Variants in ERFL observed in about 807,000 individuals in gnomAD.
The protein encoded by ERFL is ETS domain-containing transcription factor ERF-like.
A neutral mutation model predicts 27.9 loss-of-function variants in ERFL; 8 were observed. The ratio of observed to expected loss-of-function variants is 0.29; its 90% CI spans 0.17 to 0.52. ERFL has a LOEUF of 0.52. Ranked by LOEUF, ERFL falls within the 20% of genes least tolerant of loss-of-function variation. ERFL has a pLI of 0.97. For synonymous variants in ERFL, 174 were observed against 202.8 expected (o/e 0.86, Z 1.21); for missense variants, 294 against 444.4 (o/e 0.66, Z 3.04).
chr19:41,908,169 G>A lies in ERFL; in HGVS notation c.*59C>T. 5.8e-6 allele frequency: 7 copies of A among 1,211,554 alleles called. No individual in the cohort carries two copies. The highest frequency in any genetic ancestry group is 7.2e-6 in the Non-Finnish European group (7 of 969,600). The allele number at this position is 1,211,554 out of a possible 1,614,324, so 75.1% of individuals were successfully genotyped here. On this transcript the variant is annotated 3_prime_UTR_variant, in exon 6 of 6. Transcript: ENST00000597630. This position sits in a 1 kb window ranked among gnomAD's most constrained non-coding sequence, Gnocchi z 6.7. ...TCCTGGGCCTTGGGCCAGGCATCAA[G>A]GGCAGACGGGCAGCCACCCTGGTCC...
At chr19:41,913,121 C>T (rs888038725) in intron 1 of ERFL, among the ~76,000 whole-genome samples, 189 bp from the exon 2 acceptor site, 8 of 152,126 alleles carry the variant, frequency 5.3e-5, no homozygotes, top group East Asian at 3.9e-4. Flanking sequence ...GTTCCCGGCC[C>T]CGAGACCCCG....
chr19:41,912,478 C>T (rs537656976), intron 2 of ERFL, among the ~76,000 whole-genome samples: 27 of 152,196 alleles, frequency 1.8e-4, no homozygotes, highest in South Asian at 6.2e-4. Flanking sequence ...CCTGTCCATC[C>T]GTGCCTGGCC....
intron 2 of ERFL, among the ~76,000 whole-genome samples, chr19:41,911,442 A>G (rs1437114243): frequency 8.5e-5 from 13 of 152,206 alleles, no homozygotes; most frequent in African/African-American, 2.7e-4. Context: ...CGCCGTGTCC[A>G]CTTGCTGTGT....
At position 41,913,798 on chromosome 19, in the gene ERFL, C is replaced by G. The variant is rs1389240562; in HGVS notation, c.-13-866G>C. 2.7e-5 allele frequency among the ~76,000 whole-genome samples: 4 copies of G among 150,922 alleles called. No individual in the cohort carries two copies. The East Asian group carries it at 5.9e-4, about 22-fold the overall frequency. On this transcript the variant is annotated intron_variant, in intron 1 of 5. Coordinates refer to ENST00000597630, the MANE Select transcript of ERFL (RefSeq NM_001365103.2). The stretch of plus-strand genomic sequence containing the variant: ...CCTTTCCCCCTCTTATGGCGCCTCC[C>G]CTCCACACACACACCCTTGCAATCC...
At position 41,909,028 on chromosome 19, in the gene ERFL, C is replaced by A. The variant is rs138216517; in HGVS notation, c.616+32G>T. On this transcript the variant is annotated intron_variant, in intron 5 of 5. Transcript: ENST00000597630. The surrounding 1 kb of genome is among the most constrained non-coding windows in gnomAD (Gnocchi z 5.2). ...CAAGCCTGCAGCTTCTCCCACTGTGCCCCCAGCACCCCAGAACCTCCAGGC... is the reference window on the plus strand; with the variant it reads ...CAAGCCTGCAGCTTCTCCCACTGTGACCCCAGCACCCCAGAACCTCCAGGC... 1.2e-5 allele frequency: 14 copies of A among 1,177,088 alleles called. No homozygotes were observed. The East Asian group carries it at 4.1e-4, about 35-fold the overall frequency. The allele number at this position is 1,177,088 out of a possible 1,614,324, so 72.9% of individuals were successfully genotyped here.
intron 1 of ERFL, among the ~76,000 whole-genome samples, chr19:41,920,415 C>G (rs2074834962): frequency 7.0e-6 from 1 of 142,634 alleles, no homozygotes; most frequent in Admixed American, 7.2e-5. Flanking sequence ...CACTCACAGA[C>G]ATGACACACT....
chr19:41,912,490 A>G (rs2074758807), intron 2 of ERFL, among the ~76,000 whole-genome samples: 1 of 152,166 alleles, frequency 6.6e-6, no homozygotes, highest in Non-Finnish European at 1.5e-5. Flanking sequence ...TGCCTGGCCT[A>G]GTGCCCCCTC....
intron 2 of ERFL, among the ~76,000 whole-genome samples, chr19:41,911,192 T>TC (rs2145882911): frequency 6.6e-6 from 1 of 152,206 alleles, no homozygotes; most frequent in East Asian, 1.9e-4. Context: ...AGGGGAGTAC[T>TC]CCACTGTCCA....
rs373930607 is a variant in ERFL at position 41,914,606 on chromosome 19, C to A, written c.-13-1674G>T. ...CCCTCCCTTTCCACCATCTCTGTCT[C>A]TCCCTCCCCTTCCACCATCTCTGTC... On this transcript the variant is annotated intron_variant, in intron 1 of 5. Coordinates refer to ENST00000597630, the MANE Select transcript of ERFL (RefSeq NM_001365103.2). Among the ~76,000 whole-genome samples the A allele has an allele frequency of 4.5e-4, 27 of 59,578 alleles. 2 individuals are homozygous for A. Among genetic ancestry groups the A allele is most frequent in the East Asian group, 1.7e-3 (3 of 1,806 alleles). The allele number at this position is 59,578 out of a possible 152,430, so 39.1% of individuals were successfully genotyped here. A position where few individuals can be genotyped will look rare whatever the true frequency, so the allele number is the denominator to read the frequency against.
chr19:41,911,458 C>T (rs1042525610), intron 2 of ERFL, among the ~76,000 whole-genome samples: 24 of 152,180 alleles, frequency 1.6e-4, no homozygotes, highest in Admixed American at 1.0e-3. Flanking sequence ...TGTGTGATTA[C>T]GGGCAGGTCC....
chr19:41,915,491 T>C (rs983417159), intron 1 of ERFL, among the ~76,000 whole-genome samples: 22 of 152,004 alleles, frequency 1.4e-4, no homozygotes, highest in African/African-American at 4.8e-5. Flanking sequence ...CCCACGTCTC[T>C]GTGTCCCCAT....
intron 1 of ERFL, among the ~76,000 whole-genome samples, chr19:41,924,488 G>A (rs2074860057): frequency 6.6e-6 from 1 of 152,106 alleles, no homozygotes; most frequent in African/African-American, 2.4e-5. Context: ...GGTGGTCTTA[G>A]TAATCGGGAG....
chr19:41,913,302 C>T (rs1364724026), intron 1 of ERFL, among the ~76,000 whole-genome samples: 1 of 147,802 alleles, frequency 6.8e-6, no homozygotes, highest in African/African-American at 2.5e-5. Context: ...CGCACCGTCT[C>T]TGCTGCCGTC....
intron 1 of ERFL, among the ~76,000 whole-genome samples, chr19:41,913,411 G>T (rs1429062347): frequency 1.3e-5 from 2 of 151,870 alleles, no homozygotes; most frequent in African/African-American, 4.8e-5. Flanking sequence ...GATTTATCTT[G>T]TTCTATAACT....
intron 1 of ERFL, among the ~76,000 whole-genome samples, chr19:41,926,479 G>C (rs1471839576): frequency 1.3e-5 from 2 of 152,102 alleles, no homozygotes; most frequent in Admixed American, 1.3e-4. Context: ...GCCACAGGTG[G>C]GTGCAGTGTG....
rs1024196558 is a variant in ERFL at position 41,921,198 on chromosome 19, G to A, written c.-14+6842C>T. ...GTCTGGCTGCTCCCCAACCTCACTC[G>A]TGGACCCCGCCTCCCCTCAGAGACC... On this transcript the variant is annotated intron_variant, in intron 1 of 5. Transcript: ENST00000597630. This position sits in a 1 kb window ranked among gnomAD's most constrained non-coding sequence, Gnocchi z 4.4. 2.6e-5 allele frequency among the ~76,000 whole-genome samples: 4 copies of A among 152,058 alleles called. No homozygotes were observed. Among genetic ancestry groups the A allele is most frequent in the Admixed American group, 1.3e-4 (2 of 15,278 alleles).
chr19:41,913,538 C>G (rs577628107), intron 1 of ERFL, among the ~76,000 whole-genome samples: 27 of 151,740 alleles, frequency 1.8e-4, no homozygotes, highest in Non-Finnish European at 4.0e-4. Context: ...GCACCCCCTC[C>G]TCCAGTCCTC....
At chr19:41,919,908 G>A (rs184287484) in intron 1 of ERFL, among the ~76,000 whole-genome samples, 113 of 152,026 alleles carry the variant, frequency 7.4e-4, no homozygotes, top group South Asian at 1.3e-3. Context: ...CACCACACAC[G>A]TCACACAGAC....
rs1482906340 is a variant in ERFL, at chr19:41,916,768, CCACA to C, written c.-13-3840_-13-3837del. On this transcript the variant is annotated intron_variant, in intron 1 of 5. Coordinates refer to ENST00000597630, the MANE Select transcript of ERFL (RefSeq NM_001365103.2). This position sits in a 1 kb window ranked among gnomAD's most constrained non-coding sequence, Gnocchi z 5.4. ...CAACCCAGACAGCCAACGCACACGG[CCACA>C]CACACACCCATTCACAGACACAGTC... Among the ~76,000 whole-genome samples the C allele has an allele frequency of 3.3e-5, 5 of 151,810 alleles. No homozygotes were observed. The highest frequency in any genetic ancestry group is 9.7e-5 in the African/African-American group (4 of 41,278).
Sources: allele counts gnomAD v4.1 joint callset (sites outside exome capture counted in the v4.1 genomes callset), GRCh38; gene constraint gnomAD v4.1.1; non-coding constraint Gnocchi (gnomAD v3.1); transcripts MANE v1.5; gene names NCBI Gene and HGNC (gene_info 2026-07-23, HGNC 2026-07-21).